Variants in BCAS3 observed in about 807,000 individuals in gnomAD.
The protein encoded by BCAS3 is BCAS4/BCAS3 fusion.
BCAS3 carries 53 observed loss-of-function variants against 116.1 expected under a neutral mutation model. That is an observed-to-expected ratio of 0.46 (90% CI 0.37 to 0.57). BCAS3 has a LOEUF of 0.57. Ranked by LOEUF, BCAS3 falls within the 20% of genes least tolerant of loss-of-function variation. BCAS3 has a pLI of 0.00. For missense variants in BCAS3, 917 were observed against 1,165.4 expected, an observed-to-expected ratio of 0.79 and a Z score of 3.10; for synonymous variants, 391 against 408.2, an observed-to-expected ratio of 0.96 and a Z score of 0.51.
intron 19 of BCAS3, among the ~76,000 whole-genome samples, chr17:61,064,506 A>G (rs1022074862): frequency 2.0e-5 from 3 of 152,138 alleles, no homozygotes; most frequent in African/African-American, 7.2e-5. Context: ...CTAAATGTCA[A>G]ATGACCTCTT....
At chr17:61,048,179 T>A (rs2068517177) in intron 19 of BCAS3, among the ~76,000 whole-genome samples, 1 of 151,986 alleles carries the variant, frequency 6.6e-6, no homozygotes, top group Non-Finnish European at 1.5e-5. Flanking sequence ...GATTTAGTGT[T>A]CTCTCAGTTT....
intron 11 of BCAS3, among the ~76,000 whole-genome samples, chr17:60,909,578 C>G (rs1448511173): frequency 6.6e-5 from 10 of 151,966 alleles, no homozygotes; most frequent in Non-Finnish European, 2.9e-5. Flanking sequence ...TGTTTTTGTT[C>G]TAATGATGAT....
intron 22 of BCAS3, among the ~76,000 whole-genome samples, chr17:61,175,078 G>C (rs1440043184): frequency 6.6e-6 from 1 of 152,230 alleles, no homozygotes; most frequent in Admixed American, 6.5e-5. Context: ...GAGTAGTCCT[G>C]CTGCATCCTG....
chr17:61,148,249 G>T (rs60493488), intron 22 of BCAS3, among the ~76,000 whole-genome samples: 12,810 of 152,128 alleles, frequency 0.084, 1,838 homozygotes, highest in African/African-American at 0.29. Context: ...TTAGCTGATA[G>T]GTCTGTGAAA....
At chr17:60,821,404 A>C (rs1251681316) in intron 7 of BCAS3, among the ~76,000 whole-genome samples, 2 of 152,170 alleles carry the variant, frequency 1.3e-5, no homozygotes, top group African/African-American at 4.8e-5. Context: ...AAAGTGTATA[A>C]TATTATGTGT....
In BCAS3 at chr17:61,329,340, A is replaced by ATTTTTTTTTTTT. The variant is rs199612323; in HGVS notation, c.2426-38985_2426-38984insTTTTTTTTTTTT. Among the ~76,000 whole-genome samples, 263 of 109,470 alleles carry ATTTTTTTTTTTT rather than the reference A, an allele frequency of 2.4e-3. 5 individuals are homozygous for ATTTTTTTTTTTT. The highest frequency in any genetic ancestry group is 7.6e-3 in the African/African-American group (253 of 33,232). 71.8% of individuals were successfully genotyped at this position (109,470 alleles called of 152,430 possible). A position where few individuals can be genotyped will look rare whatever the true frequency, so the allele number is the denominator to read the frequency against. ...TCCAGGCCATGTTATTATTATTATT[A>ATTTTTTTTTTTT]TTATTTTTTTTTTTTTTTGAGACGG... is the stretch of plus-strand genomic sequence containing the variant. On this transcript the variant is annotated intron_variant, in intron 22 of 23. Transcript: ENST00000407086.
chr17:61,277,873 T>C (rs1247137509), intron 22 of BCAS3, among the ~76,000 whole-genome samples: 1 of 152,218 alleles, frequency 6.6e-6, no homozygotes, highest in Non-Finnish European at 1.5e-5. Context: ...GGAGAAGTTG[T>C]AACCCTCATA....
In BCAS3 at chr17:61,223,151, C is replaced by CTTTTTTTT. The variant is rs34499099; in HGVS notation, c.2425+138604_2425+138611dup. On this transcript the variant is annotated intron_variant, in intron 22 of 23. Coordinates refer to ENST00000407086, the MANE Select transcript of BCAS3 (RefSeq NM_017679.5). ...TTCAATATGTGACAGGATGCAGCGC[C>CTTTTTTTT]TTTTTTTTTTTTTTTTTTTTTTTTG... 3.7e-4 allele frequency among the ~76,000 whole-genome samples: 29 copies of CTTTTTTTT among 79,084 alleles called. 1 individual carries two copies. The highest frequency in any genetic ancestry group is 4.7e-4 in the African/African-American group (9 of 19,028). The allele number at this position is 79,084 out of a possible 152,430, so 51.9% of individuals were successfully genotyped here. A position where few individuals can be genotyped will look rare whatever the true frequency, so the allele number is the denominator to read the frequency against.
At chr17:61,137,145 A>G (rs571810771) in intron 22 of BCAS3, among the ~76,000 whole-genome samples, 28 of 152,320 alleles carry the variant, frequency 1.8e-4, no homozygotes, top group African/African-American at 5.5e-4. Flanking sequence ...CCAAATATAT[A>G]TATCTTATTT....
chr17:61,325,864 T>C lies in BCAS3; in HGVS notation c.2426-42463T>C, dbSNP rs530733616. ...GGGACAGTCATCTGGGACCCAGTCA[T>C]GCTGAATGTTTCTCTCACTAGAGAC... is the stretch of plus-strand genomic sequence containing the variant. On this transcript the variant is annotated intron_variant, in intron 22 of 23. Coordinates refer to ENST00000407086, the MANE Select transcript of BCAS3 (RefSeq NM_017679.5). The surrounding 1 kb of genome is among the most constrained non-coding windows in gnomAD (Gnocchi z 6.4). Among the ~76,000 whole-genome samples the C allele has an allele frequency of 1.3e-5, 2 of 152,338 alleles. No homozygotes were observed. Among genetic ancestry groups the C allele is most frequent in the South Asian group, 4.1e-4 (2 of 4,822 alleles).
chr17:61,326,550 A>G lies in BCAS3; in HGVS notation c.2426-41777A>G, dbSNP rs1048830572. On this transcript the variant is annotated intron_variant, in intron 22 of 23. Coordinates refer to ENST00000407086, the MANE Select transcript of BCAS3 (RefSeq NM_017679.5). The surrounding 1 kb of genome is among the most constrained non-coding windows in gnomAD (Gnocchi z 5.3). ...ATGGATTAGGCTGGCCCAGTAGCAA[A>G]TAGAAGTGGACAGTAATGAGTGTTA... Among the ~76,000 whole-genome samples, 1 of 152,218 alleles carries G rather than the reference A, an allele frequency of 6.6e-6. No individual in the cohort carries two copies. The highest frequency in any genetic ancestry group is 2.4e-5 in the African/African-American group (1 of 41,452).
chr17:61,208,813 A>G lies in BCAS3; in HGVS notation c.2425+124249A>G, dbSNP rs1354344801. 6.6e-6 allele frequency among the ~76,000 whole-genome samples: 1 copy of G among 151,880 alleles called. No homozygotes were observed. The highest frequency in any genetic ancestry group is 1.5e-5 in the Non-Finnish European group (1 of 67,994). On this transcript the variant is annotated intron_variant, in intron 22 of 23. Coordinates refer to ENST00000407086, the MANE Select transcript of BCAS3 (RefSeq NM_017679.5). This position sits in a 1 kb window ranked among gnomAD's most constrained non-coding sequence, Gnocchi z 4.5. ...TCGCTGGTGCTCTCTGCAAACTTGC[A>G]GTGCAAGTCTATGATATAAGTGGTG...
intron 8 of BCAS3, among the ~76,000 whole-genome samples, chr17:60,871,661 C>T (rs2055115902): frequency 6.7e-6 from 1 of 149,064 alleles, no homozygotes; most frequent in African/African-American, 2.5e-5. Context: ...AATATGAGGA[C>T]GATCATGTTT....
rs935399753 is a variant in BCAS3 at position 61,162,752 on chromosome 17, C to T, written c.2425+78188C>T. Among the ~76,000 whole-genome samples the T allele has an allele frequency of 4.6e-5, 7 of 152,182 alleles. No homozygotes were observed. Among genetic ancestry groups the T allele is most frequent in the East Asian group, 1.9e-4 (1 of 5,196 alleles). ...TAATGCCCTCCTTGGGGAGGAGCAACGTCTCCAGCCGAGGCTGCAACCCGA... is the reference window on the plus strand; with the variant it reads ...TAATGCCCTCCTTGGGGAGGAGCAATGTCTCCAGCCGAGGCTGCAACCCGA... On this transcript the variant is annotated intron_variant, in intron 22 of 23. Transcript: ENST00000407086. The surrounding 1 kb of genome is among the most constrained non-coding windows in gnomAD (Gnocchi z 5.6).
In BCAS3 at chr17:61,013,303, G is replaced by A. The variant is rs1365886123; in HGVS notation, c.1487-2448G>A. Among the ~76,000 whole-genome samples, 1 of 152,002 alleles carries A rather than the reference G, an allele frequency of 6.6e-6. No individual in the cohort carries two copies. Among genetic ancestry groups the A allele is most frequent in the Non-Finnish European group, 1.5e-5 (1 of 67,960 alleles). On this transcript the variant is annotated intron_variant, in intron 15 of 23. Coordinates refer to ENST00000407086, the MANE Select transcript of BCAS3 (RefSeq NM_017679.5). The surrounding 1 kb of genome is among the most constrained non-coding windows in gnomAD (Gnocchi z 4.4). Reference sequence around the variant, plus strand: ...AAGCTAAGGCACTCAACAAATATTTGTTTACTAGTTGTGAAATACATATGA... The same window carrying A: ...AAGCTAAGGCACTCAACAAATATTTATTTACTAGTTGTGAAATACATATGA...
intron 23 of BCAS3, chr17:61,383,622 C>G (rs2059706669): frequency 6.6e-6 from 1 of 152,316 alleles, no homozygotes. Flanking sequence ...CCCATAAGCT[C>G]TAGAAAACAG....
In BCAS3 at chr17:61,211,852, C is replaced by T. The variant is rs1241498600; in HGVS notation, c.2425+127288C>T. 1.3e-5 allele frequency among the ~76,000 whole-genome samples: 2 copies of T among 152,174 alleles called. No individual in the cohort carries two copies. Among genetic ancestry groups the T allele is most frequent in the East Asian group, 3.8e-4 (2 of 5,198 alleles). ...ATAGACTTGGAGAGCAAGCTGCCCA[C>T]CAGGGCAGGGCCTTAGCATAAAGTT... On this transcript the variant is annotated intron_variant, in intron 22 of 23. Coordinates refer to ENST00000407086, the MANE Select transcript of BCAS3 (RefSeq NM_017679.5). The surrounding 1 kb of genome is among the most constrained non-coding windows in gnomAD (Gnocchi z 4.4).
intron 19 of BCAS3, among the ~76,000 whole-genome samples, chr17:61,060,166 G>A (rs549316693): frequency 7.3e-5 from 11 of 150,944 alleles, no homozygotes; most frequent in African/African-American, 1.7e-4. Flanking sequence ...TTGCTCTGTC[G>A]CCCAGGCTGG....
At position 61,316,354 on chromosome 17, in the gene BCAS3, G is replaced by C. The variant is rs1304508093; in HGVS notation, c.2426-51973G>C. ...TATAGCAGGTACTTAGTAAATGTGT[G>C]CTGAATGTGGGAGACGTCTTTTTTA... is the stretch of plus-strand genomic sequence containing the variant. On this transcript the variant is annotated intron_variant, in intron 22 of 23. Coordinates refer to ENST00000407086, the MANE Select transcript of BCAS3 (RefSeq NM_017679.5). This position sits in a 1 kb window ranked among gnomAD's most constrained non-coding sequence, Gnocchi z 5.8. Among the ~76,000 whole-genome samples the C allele has an allele frequency of 6.6e-6, 1 of 152,164 alleles. No homozygotes were observed. The highest frequency in any genetic ancestry group is 1.5e-5 in the Non-Finnish European group (1 of 68,026).
Sources: gnomAD v4.1 joint callset for allele counts (sites outside exome capture counted in the v4.1 genomes callset) on GRCh38, gnomAD v4.1.1 for gene constraint, Gnocchi (gnomAD v3.1) non-coding constraint, MANE v1.5 for transcripts, NCBI Gene and HGNC (gene_info 2026-07-23, HGNC 2026-07-21) for gene names.